The following IGF1 variants were observed in gnomAD, a reference collection of about 807,000 sequenced individuals.
IGF1 encodes insulin-like growth factor 1.
In IGF1, 4 loss-of-function variants were observed where a neutral mutation model predicts 13.8. The observed-to-expected ratio is 0.29, with a 90% CI of 0.14 to 0.66. IGF1 has a LOEUF of 0.66. Among genes scored for constraint, IGF1 ranks in the 30% least tolerant of loss-of-function variants. The pLI is 0.78. For synonymous variants in IGF1, 76 were observed against 72.6 expected, an observed-to-expected ratio of 1.05 and a Z score of -0.23; for missense variants, 124 against 188.5, an observed-to-expected ratio of 0.66 and a Z score of 2.00.
chr12:102,455,028 G>A (rs957761078), intron 2 of IGF1, among the ~76,000 whole-genome samples: 1 of 152,206 alleles, frequency 6.6e-6, no homozygotes, highest in Non-Finnish European at 1.5e-5. Context: ...GAAGGGAAAG[G>A]GAAGAAGGGA....
intron 3 of IGF1, among the ~76,000 whole-genome samples, chr12:102,404,763 G>GTTTT (rs5800510): frequency 6.9e-6 from 1 of 145,020 alleles, no homozygotes; most frequent in Non-Finnish European, 1.5e-5. Context: ...TTTTTTTGTT[G>GTTTT]TTTTTTTTTT....
intron 2 of IGF1, among the ~76,000 whole-genome samples, chr12:102,469,330 C>T (rs1880545335): frequency 1.3e-5 from 2 of 152,124 alleles, no homozygotes; most frequent in African/African-American, 4.8e-5. Context: ...CAAATAGTTG[C>T]AAGTAATGAA....
intron 2 of IGF1, among the ~76,000 whole-genome samples, chr12:102,465,430 A>G (rs1422544914): frequency 3.3e-5 from 5 of 152,236 alleles, no homozygotes; most frequent in African/African-American, 1.2e-4. Context: ...CCAAGGTCAT[A>G]GAACTGTTCA....
rs148561272 is a variant in IGF1 at position 102,409,268 on chromosome 12, A to T, written c.403-6702T>A. Among the ~76,000 whole-genome samples the T allele has an allele frequency of 3.3e-4, 51 of 152,324 alleles. No individual in the cohort carries two copies. The South Asian group carries it at 8.3e-3, about 25-fold the overall frequency. ...TCTGTTCTGGCTTGTGTGCTGTAAG[A>T]GCCCTCTCTGGGTCTACATTTGCTC... On this transcript the variant is annotated intron_variant, in intron 3 of 3. Transcript: ENST00000337514.
At chr12:102,462,562 G>A (rs969281150) in intron 2 of IGF1, among the ~76,000 whole-genome samples, 1 of 152,154 alleles carries the variant, frequency 6.6e-6, no homozygotes, top group Non-Finnish European at 1.5e-5. Flanking sequence ...ATAATCTACA[G>A]AAATGCCAGC....
rs544323390 is a variant in IGF1 at position 102,413,543 on chromosome 12, T to G, written c.402+5966A>C. Among the ~76,000 whole-genome samples the G allele has an allele frequency of 2.6e-5, 4 of 152,300 alleles. No homozygotes were observed. In the South Asian group the frequency reaches 8.3e-4, roughly 32 times the overall value. ...ACACATTAGAAGCTGTGTGAGGTTT[T>G]GTTTGTTTTCAAGAGATGTTTGAAA... On this transcript the variant is annotated intron_variant, in intron 3 of 3. Coordinates refer to ENST00000337514, the MANE Select transcript of IGF1 (RefSeq NM_000618.5).
rs1873527625 is a variant in IGF1, at chr12:102,399,790, A to T, written c.*2717T>A. 1 of 152,176 alleles carries T rather than the reference A, an allele frequency of 6.6e-6. No individual in the cohort carries two copies. The highest frequency in any genetic ancestry group is 1.5e-5 in the Non-Finnish European group (1 of 68,018). 9.4% of individuals were successfully genotyped at this position (152,176 alleles called of 1,614,324 possible). ...ATCACATCTAACTATGACAGAAAAC[A>T]CGTTAAGTCTGCAGAAGACTGCCTA... On this transcript the variant is annotated 3_prime_UTR_variant, in exon 4 of 4. Coordinates refer to ENST00000337514, the MANE Select transcript of IGF1 (RefSeq NM_000618.5).
intron 2 of IGF1, among the ~76,000 whole-genome samples, chr12:102,427,658 G>A (rs562631331): frequency 8.5e-5 from 13 of 152,124 alleles, no homozygotes; most frequent in Non-Finnish European, 1.6e-4. Flanking sequence ...GCAGTCTGGC[G>A]TGTCTGGAGG....
At chr12:102,413,897 C>T (rs537548174) in intron 3 of IGF1, among the ~76,000 whole-genome samples, 70 of 152,242 alleles carry the variant, frequency 4.6e-4, no homozygotes, top group Non-Finnish European at 9.0e-4. Context: ...CAGGGGTTCT[C>T]TGGGTTGGAA....
intron 3 of IGF1, among the ~76,000 whole-genome samples, chr12:102,404,076 A>C (rs1469195145): frequency 6.6e-6 from 1 of 152,214 alleles, no homozygotes; most frequent in Non-Finnish European, 1.5e-5. Flanking sequence ...TTATATGCAT[A>C]AACCTGAGGT....
intron 2 of IGF1, among the ~76,000 whole-genome samples, chr12:102,427,500 G>A (rs2137032557): frequency 6.6e-6 from 1 of 152,176 alleles, no homozygotes; most frequent in Middle Eastern, 3.4e-3. Flanking sequence ...TTTGTAACTT[G>A]GCACCTGCCC....
chr12:102,416,356 C>G (rs976514690), intron 3 of IGF1, among the ~76,000 whole-genome samples: 1 of 152,208 alleles, frequency 6.6e-6, no homozygotes. Context: ...ACCAAGGGAT[C>G]TGAAGGAGAA....
chr12:102,447,957 A>G (rs1438469879), intron 2 of IGF1, among the ~76,000 whole-genome samples: 1 of 152,238 alleles, frequency 6.6e-6, no homozygotes, highest in Non-Finnish European at 1.5e-5. Context: ...CTGCACAGCA[A>G]AAGAAACTAT....
intron 2 of IGF1, among the ~76,000 whole-genome samples, chr12:102,443,899 T>C (rs1271680192): frequency 1.3e-5 from 2 of 152,058 alleles, no homozygotes; most frequent in African/African-American, 4.8e-5. Context: ...CAATCTTGGC[T>C]AACTGCAACC....
intron 3 of IGF1, among the ~76,000 whole-genome samples, chr12:102,413,604 A>C (rs191253237): frequency 6.6e-6 from 1 of 152,338 alleles, no homozygotes; most frequent in African/African-American, 2.4e-5. Context: ...CTGGATTGGC[A>C]GCCCAAGAAA....
rs1873283625 is a variant in IGF1 at position 102,397,228 on chromosome 12, A to G, written c.*5279T>C. 6.0e-6 allele frequency: 1 copy of G among 167,440 alleles called. No homozygotes were observed. Among genetic ancestry groups the G allele is most frequent in the Admixed American group, 6.4e-5 (1 of 15,704 alleles). The allele number at this position is 167,440 out of a possible 1,614,324, so 10.4% of individuals were successfully genotyped here. A position where few individuals can be genotyped will look rare whatever the true frequency, so the allele number is the denominator to read the frequency against. On this transcript the variant is annotated 3_prime_UTR_variant, in exon 4 of 4. Transcript: ENST00000337514. ...CAAAAAGGAAAAAAAAAAAGAGGGA[A>G]CACGTGAAATATATGTTTTCAGTGA...
intron 2 of IGF1, among the ~76,000 whole-genome samples, chr12:102,451,188 A>G (rs553297690): frequency 4.4e-4 from 67 of 152,250 alleles, no homozygotes; most frequent in Non-Finnish European, 7.9e-4. Context: ...ACGTAGACCA[A>G]TTGACTCCTG....
At chr12:102,459,735 G>A (rs901443694) in intron 2 of IGF1, among the ~76,000 whole-genome samples, 3 of 152,236 alleles carry the variant, frequency 2.0e-5, no homozygotes, top group African/African-American at 7.2e-5. Flanking sequence ...TTTAAAATCT[G>A]CCTTCTTCCT....
At chr12:102,413,756 T>G (rs1874842306) in intron 3 of IGF1, among the ~76,000 whole-genome samples, 1 of 152,198 alleles carries the variant, frequency 6.6e-6, no homozygotes, top group Admixed American at 6.5e-5. Flanking sequence ...AAGCACGTAT[T>G]ACACTTAATT....
Sources: gnomAD v4.1 joint callset for allele counts (sites outside exome capture counted in the v4.1 genomes callset) on GRCh38, gnomAD v4.1.1 for gene constraint, MANE v1.5 for transcripts, NCBI Gene and HGNC (gene_info 2026-07-23, HGNC 2026-07-21) for gene names.